The following DSCAML1 variants were observed in gnomAD, a reference collection of about 807,000 sequenced individuals.
The protein encoded by DSCAML1 is DS cell adhesion molecule like 1, also known as cell adhesion molecule DSCAML1.
Under a neutral mutation model 200.5 loss-of-function variants are expected in DSCAML1, and 38 were observed. The ratio of observed to expected loss-of-function variants is 0.19; its 90% CI spans 0.15 to 0.25. The LOEUF (loss-of-function observed/expected upper bound fraction) is 0.25. DSCAML1 is among the 10% of genes least tolerant of loss of function. DSCAML1 has a pLI of 1.00. For missense variants in DSCAML1, 2,223 were observed against 2,858.8 expected (o/e 0.78, Z 5.07); for synonymous variants, 1,215 against 1,165.0 (o/e 1.04, Z -0.87).
At position 117,706,304 on chromosome 11, in the gene DSCAML1, C is replaced by T. The variant is rs1309978920; in HGVS notation, c.511+70487G>A. 2.0e-5 allele frequency among the ~76,000 whole-genome samples: 3 copies of T among 152,160 alleles called. 1 individual carries two copies. Among genetic ancestry groups the T allele is most frequent in the African/African-American group, 2.4e-5 (1 of 41,488 alleles). On this transcript the variant is annotated intron_variant, in intron 3 of 32. Transcript: ENST00000651296. Reference sequence around the variant, plus strand: ...TTCCCCAGGTTTTTATTTGTTTGTTCGATTGTTTCCAATCGGCCTCTCCTG... The same window carrying T: ...TTCCCCAGGTTTTTATTTGTTTGTTTGATTGTTTCCAATCGGCCTCTCCTG...
chr11:117,644,735 C>A (rs578110869), intron 3 of DSCAML1, among the ~76,000 whole-genome samples: 98 of 152,338 alleles, frequency 6.4e-4, no homozygotes, highest in African/African-American at 2.3e-3. Context: ...TGGCAATGTT[C>A]CTCTGCACCA....
chr11:117,796,534 C>T (rs2055579399), intron 1 of DSCAML1, among the ~76,000 whole-genome samples: 2 of 152,244 alleles, frequency 1.3e-5, no homozygotes, highest in East Asian at 1.9e-4. Flanking sequence ...CCATGCGGTG[C>T]GCCAACATTC....
upstream of DSCAML1, among the ~76,000 whole-genome samples, chr11:117,797,459 G>A (rs2134081609): frequency 6.6e-6 from 1 of 152,350 alleles, no homozygotes; most frequent in African/African-American, 2.4e-5. Flanking sequence ...CTTGGAGCCT[G>A]TGGTCGCAGA....
chr11:117,516,863 G>T lies in DSCAML1; in HGVS notation c.1511-124C>A, dbSNP rs1460400252. The T allele has an allele frequency of 1.1e-5, 14 of 1,233,826 alleles. No individual in the cohort carries two copies. Among genetic ancestry groups the T allele is most frequent in the Non-Finnish European group, 1.5e-5 (14 of 907,522 alleles). 76.4% of individuals were successfully genotyped at this position (1,233,826 alleles called of 1,614,324 possible). A position where few individuals can be genotyped will look rare whatever the true frequency, so the allele number is the denominator to read the frequency against. The stretch of plus-strand genomic sequence containing the variant: ...CTCGGCCCCTGAGACTTTCGGGGGC[G>T]GACATTTGGTGGGGGCACAGGGATG... On this transcript the variant is annotated intron_variant, in intron 7 of 32. Transcript: ENST00000651296. This position sits in a 1 kb window ranked among gnomAD's most constrained non-coding sequence, Gnocchi z 5.7.
At chr11:117,706,339 G>A (rs991847696) in intron 3 of DSCAML1, among the ~76,000 whole-genome samples, 1 of 152,194 alleles carries the variant, frequency 6.6e-6, no homozygotes, top group African/African-American at 2.4e-5. Flanking sequence ...GTTCTATGCT[G>A]AGAGAAACAG....
At position 117,642,665 on chromosome 11, in the gene DSCAML1, A is replaced by G. The variant is rs1171190817; in HGVS notation, c.512-110143T>C. Among the ~76,000 whole-genome samples the G allele has an allele frequency of 2.6e-5, 4 of 152,150 alleles. No homozygotes were observed. Among genetic ancestry groups the G allele is most frequent in the Non-Finnish European group, 4.4e-5 (3 of 68,024 alleles). On this transcript the variant is annotated intron_variant, in intron 3 of 32. Transcript: ENST00000651296. This position sits in a 1 kb window ranked among gnomAD's most constrained non-coding sequence, Gnocchi z 4.1. ...CATAGTTGCAGTGGCCCAGAGTGGG[A>G]TCTGTGGCTCCTGGCTGCTTCTTGG...
At chr11:117,531,580 C>T (rs1173984735) in intron 4 of DSCAML1, among the ~76,000 whole-genome samples, 2 of 152,108 alleles carry the variant, frequency 1.3e-5, no homozygotes, top group Non-Finnish European at 2.9e-5. Context: ...CATATGTACT[C>T]ATTGATCAGA....
chr11:117,630,684 A>AAAAAAAG (rs2052154302), intron 3 of DSCAML1, among the ~76,000 whole-genome samples: 1 of 147,706 alleles, frequency 6.8e-6, no homozygotes. Context: ...AAAAAAAAAA[A>AAAAAAAG]GAGGCATAGG....
chr11:117,743,684 C>T (rs1183883020), intron 3 of DSCAML1, among the ~76,000 whole-genome samples: 1 of 152,224 alleles, frequency 6.6e-6, no homozygotes, highest in East Asian at 1.9e-4. Context: ...CACTGCCACC[C>T]CTGCTTCAAA....
At position 117,499,540 on chromosome 11, in the gene DSCAML1, C is replaced by T. The variant is rs537664750; in HGVS notation, c.2359+4305G>A. On this transcript the variant is annotated intron_variant, in intron 11 of 32. Coordinates refer to ENST00000651296, the MANE Select transcript of DSCAML1 (RefSeq NM_020693.4). ...TGATCCTTCTACCAAACCATCAGTC[C>T]GTAGAAGCAGGTTCTGGCCTCAGCT... Among the ~76,000 whole-genome samples, 8 of 152,328 alleles carry T rather than the reference C, an allele frequency of 5.3e-5. No homozygotes were observed. The South Asian group carries it at 6.2e-4, about 12-fold the overall frequency.
rs71037499 is a variant in DSCAML1, at chr11:117,780,304, G to GAAAGAAAGAAAAGAAAGAA, written c.364+188_364+189insTTCTTTCTTTTCTTTCTTT. Reference sequence around the variant, plus strand: ...AGAAAGAAAGAAAGAAAGAAAGAAAGAGAGAAAGGAGAAAGAAAGGTGTCT... The same window carrying GAAAGAAAGAAAAGAAAGAA: ...AGAAAGAAAGAAAGAAAGAAAGAAAGAAAGAAAGAAAAGAAAGAAAGAGAAAGGAGAAAGAAAGGTGTCT... On this transcript the variant is annotated intron_variant, in intron 2 of 32. Transcript: ENST00000651296. The surrounding 1 kb of genome is among the most constrained non-coding windows in gnomAD (Gnocchi z 4.8). 3.0e-5 allele frequency among the ~76,000 whole-genome samples: 3 copies of GAAAGAAAGAAAAGAAAGAA among 98,440 alleles called. No homozygotes were observed. Among genetic ancestry groups the GAAAGAAAGAAAAGAAAGAA allele is most frequent in the Non-Finnish European group, 6.7e-5 (3 of 45,042 alleles). 64.6% of individuals were successfully genotyped at this position (98,440 alleles called of 152,430 possible). A position where few individuals can be genotyped will look rare whatever the true frequency, so the allele number is the denominator to read the frequency against.
intron 3 of DSCAML1, among the ~76,000 whole-genome samples, chr11:117,639,357 T>C (rs1456261205): frequency 7.4e-6 from 1 of 134,514 alleles, no homozygotes; most frequent in Non-Finnish European, 1.6e-5. Context: ...GGAGGTTGGA[T>C]GGATGGGAGG....
At chr11:117,502,742 T>G (rs1701325925) in intron 11 of DSCAML1, among the ~76,000 whole-genome samples, 1 of 152,142 alleles carries the variant, frequency 6.6e-6, no homozygotes, top group Non-Finnish European at 1.5e-5. Flanking sequence ...GCTGGCCAGG[T>G]CATGAAATCT....
chr11:117,523,568 T>G (rs2049917960), intron 5 of DSCAML1, among the ~76,000 whole-genome samples: 1 of 152,186 alleles, frequency 6.6e-6, no homozygotes, highest in Admixed American at 6.5e-5. Flanking sequence ...GTTGGGGCGC[T>G]CTTCCAGGCA....
At chr11:117,449,636 T>C (rs10790185) in intron 20 of DSCAML1, among the ~76,000 whole-genome samples, 136,730 of 152,148 alleles carry the variant, frequency 0.9, 61,619 homozygotes, top group Middle Eastern at 0.97. Flanking sequence ...CTTGCTTCCG[T>C]TCCTTGCTTC....
chr11:117,529,018 T>C (rs187642136), intron 4 of DSCAML1, among the ~76,000 whole-genome samples: 14 of 149,350 alleles, frequency 9.4e-5, no homozygotes, highest in Middle Eastern at 6.8e-3. Flanking sequence ...AGCTACTGTC[T>C]GTCCAGAGCT....
chr11:117,504,462 T>C lies in DSCAML1; in HGVS notation c.2183-441A>G, dbSNP rs2049453967. Among the ~76,000 whole-genome samples, 1 of 152,136 alleles carries C rather than the reference T, an allele frequency of 6.6e-6. No homozygotes were observed. The highest frequency in any genetic ancestry group is 2.4e-5 in the African/African-American group (1 of 41,438). The stretch of plus-strand genomic sequence containing the variant: ...CTTGTGGGCACCCCCTGTCCCTCCA[T>C]TCCCCAGTGTCAGTCACGAATACAG... On this transcript the variant is annotated intron_variant, in intron 10 of 32. Transcript: ENST00000651296. This position sits in a 1 kb window ranked among gnomAD's most constrained non-coding sequence, Gnocchi z 5.0.
chr11:117,594,468 AG>A, intron 3 of DSCAML1, among the ~76,000 whole-genome samples: 1 of 152,254 alleles, frequency 6.6e-6, no homozygotes, highest in East Asian at 1.9e-4. Flanking sequence ...TGATGCTCTC[AG>A]CAATGCACGC....
At chr11:117,510,822 C>T (rs1007699805) in intron 8 of DSCAML1, among the ~76,000 whole-genome samples, 4 of 152,196 alleles carry the variant, frequency 2.6e-5, no homozygotes, top group Admixed American at 6.5e-5. Flanking sequence ...GTCTGTCCCA[C>T]GGGAGTTTGC....
Sources: allele counts gnomAD v4.1 joint callset (sites outside exome capture counted in the v4.1 genomes callset), GRCh38; gene constraint gnomAD v4.1.1; non-coding constraint Gnocchi (gnomAD v3.1); transcripts MANE v1.5; gene names NCBI Gene and HGNC (gene_info 2026-07-23, HGNC 2026-07-21).